The following GDF1 variants were observed in gnomAD, a reference collection of about 807,000 sequenced individuals.
The protein encoded by GDF1 is growth differentiation factor 1.
A neutral mutation model predicts 7.4 loss-of-function variants in GDF1; 8 were observed. That is an observed-to-expected ratio of 1.09 (90% CI 0.64 to 1.96). The LOEUF (loss-of-function observed/expected upper bound fraction) is 1.96, where lower values mean the gene tolerates loss of function less well. Among genes scored for constraint, GDF1 ranks in the 30% most tolerant of loss-of-function variants. GDF1 has a pLI of 0.00. For missense variants in GDF1, 574 were observed against 551.5 expected (o/e 1.04, Z -0.41); for synonymous variants, 311 against 276.7 (o/e 1.12, Z -1.23).
chr19:18,883,797 T>G (rs890999935), intron 3 of GDF1, among the ~76,000 whole-genome samples: 1 of 152,108 alleles, frequency 6.6e-6, no homozygotes, highest in Non-Finnish European at 1.5e-5. Flanking sequence ...GGGCAGCGTC[T>G]GAAGAGCTGG....
At chr19:18,875,649 A>G (rs1031013895) in intron 6 of GDF1, among the ~76,000 whole-genome samples, 1 of 152,180 alleles carries the variant, frequency 6.6e-6, no homozygotes, top group African/African-American at 2.4e-5. Context: ...TTTTGCTCCA[A>G]CCTCGGCCTT....
At chr19:18,893,876 G>A (rs1397488523) in intron 1 of GDF1, among the ~76,000 whole-genome samples, 1 of 151,798 alleles carries the variant, frequency 6.6e-6, no homozygotes, top group Non-Finnish European at 1.5e-5. Flanking sequence ...TGAGGGAGAC[G>A]GATGGATGCG....
chr19:18,878,888 A>G lies in GDF1; in HGVS notation c.-313+42T>C. ...CCACGAACACGCTTGGACGGGTGAC[A>G]CTAAAGGAGGGAACGCGGGGTGCGG... On this transcript the variant is annotated intron_variant, in intron 6 of 7. Transcript: ENST00000247005. This position sits in a 1 kb window ranked among gnomAD's most constrained non-coding sequence, Gnocchi z 4.6. The G allele has an allele frequency of 1.9e-6, 3 of 1,605,570 alleles. No individual in the cohort carries two copies. Among genetic ancestry groups the G allele is most frequent in the Non-Finnish European group, 1.7e-6 (2 of 1,176,686 alleles).
At position 18,883,982 on chromosome 19, in the gene GDF1, T is replaced by C. The variant is rs2056281791; in HGVS notation, c.-733+105A>G. 3 of 1,265,546 alleles carry C rather than the reference T, an allele frequency of 2.4e-6. No individual in the cohort carries two copies. In the East Asian group the frequency reaches 7.6e-5, roughly 32 times the overall value. The allele number at this position is 1,265,546 out of a possible 1,614,324, so 78.4% of individuals were successfully genotyped here. Reference sequence around the variant, plus strand: ...CCTTGGAACCCTGAGCACTCCGACCTGATGTGATCCCCTCCACGGCCTCCT... The same window carrying C: ...CCTTGGAACCCTGAGCACTCCGACCCGATGTGATCCCCTCCACGGCCTCCT... On this transcript the variant is annotated intron_variant, in intron 3 of 7. Coordinates refer to ENST00000247005, the MANE Select transcript of GDF1 (RefSeq NM_001492.6).
At chr19:18,876,353 G>C (rs908226374) in intron 6 of GDF1, among the ~76,000 whole-genome samples, 1 of 151,832 alleles carries the variant, frequency 6.6e-6, no homozygotes, top group Non-Finnish European at 1.5e-5. Context: ...GTTTTGGTTT[G>C]TCTTTTTTCT....
In GDF1 at chr19:18,895,763, TC is replaced by T; in HGVS notation, c.-1074+60del. On this transcript the variant is annotated intron_variant, in intron 1 of 7. Coordinates refer to ENST00000247005, the MANE Select transcript of GDF1 (RefSeq NM_001492.6). The surrounding 1 kb of genome is among the most constrained non-coding windows in gnomAD (Gnocchi z 6.4). ...AAAGGAACGCGCCGGCGGCCCCAGGTCCCCGGTCCCGGCTTCCCCCAGTCCG... is the reference window on the plus strand; with the variant it reads ...AAAGGAACGCGCCGGCGGCCCCAGGTCCCGGTCCCGGCTTCCCCCAGTCCG... 3 of 961,692 alleles carry T rather than the reference TC, an allele frequency of 3.1e-6. No individual in the cohort carries two copies. Among genetic ancestry groups the T allele is most frequent in the Non-Finnish European group, 1.3e-6 (1 of 763,780 alleles). 59.6% of individuals were successfully genotyped at this position (961,692 alleles called of 1,614,324 possible).
chr19:18,881,220 A>T (rs1251371674), intron 3 of GDF1, among the ~76,000 whole-genome samples: 6 of 147,144 alleles, frequency 4.1e-5, no homozygotes, highest in Non-Finnish European at 7.5e-5. Context: ...TTTTTTTTTT[A>T]ATTTTTTTTT....
intron 6 of GDF1, among the ~76,000 whole-genome samples, chr19:18,875,532 G>A (rs2056045050): frequency 6.8e-6 from 1 of 147,714 alleles, no homozygotes; most frequent in South Asian, 2.1e-4. Flanking sequence ...GACAGAGCGA[G>A]ACACTGTCTC....
At position 18,895,140 on chromosome 19, in the gene GDF1, C is replaced by A. The variant is rs536167088; in HGVS notation, c.-1074+684G>T. Among the ~76,000 whole-genome samples the A allele has an allele frequency of 6.6e-6, 1 of 152,260 alleles. No individual in the cohort carries two copies. The highest frequency in any genetic ancestry group is 1.9e-4 in the East Asian group (1 of 5,196). On this transcript the variant is annotated intron_variant, in intron 1 of 7. Coordinates refer to ENST00000247005, the MANE Select transcript of GDF1 (RefSeq NM_001492.6). The surrounding 1 kb of genome is among the most constrained non-coding windows in gnomAD (Gnocchi z 6.4). ...CCGGGCCATGTCACCTCCAAGGGAG[C>A]GACCACTGGCGTGGCCAGAGCACCC...
chr19:18,870,352 GC>G lies in GDF1; in HGVS notation c.-46del. 1.9e-6 allele frequency: 3 copies of G among 1,541,000 alleles called. No individual in the cohort carries two copies. Among genetic ancestry groups the G allele is most frequent in the Non-Finnish European group, 2.6e-6 (3 of 1,145,248 alleles). On this transcript the variant is annotated 5_prime_UTR_variant, in exon 7 of 8. Transcript: ENST00000247005. The surrounding 1 kb of genome is among the most constrained non-coding windows in gnomAD (Gnocchi z 5.1). ...CAGAGAGTGCGCAGGGTCCGCGGCG[GC>G]CCGGGACCAGTGGGCTGAGGGCGGG... is the stretch of plus-strand genomic sequence containing the variant.
At chr19:18,885,510 C>A (rs1047498480) in intron 2 of GDF1, among the ~76,000 whole-genome samples, 3 of 29,506 alleles carry the variant, frequency 1.0e-4, no homozygotes, top group Non-Finnish European at 2.2e-4. Context: ...CGCCCCTTCT[C>A]GTTTTTTTTT....
At chr19:18,880,981 G>A (rs1356231488) in intron 3 of GDF1, among the ~76,000 whole-genome samples, 4 of 152,086 alleles carry the variant, frequency 2.6e-5, no homozygotes, top group Admixed American at 2.6e-4. Flanking sequence ...TTACAGGCGC[G>A]AGCCACTGTG....
In GDF1 at chr19:18,879,928, C is replaced by T. The variant is rs73923176; in HGVS notation, c.-571+346G>A. ...CTAGCCCTACCCCAACCCTGCTTGG[C>T]CCCACCCCTGGCTTGCTCTGTATTA... On this transcript the variant is annotated intron_variant, in intron 4 of 7. Coordinates refer to ENST00000247005, the MANE Select transcript of GDF1 (RefSeq NM_001492.6). Among the ~76,000 whole-genome samples the T allele has an allele frequency of 6.1e-3, 933 of 151,754 alleles. 12 individuals carry two copies. The highest frequency in any genetic ancestry group is 0.02 in the African/African-American group (845 of 41,336).
At chr19:18,872,351 G>C (rs933986181) in intron 6 of GDF1, among the ~76,000 whole-genome samples, 1 of 151,988 alleles carries the variant, frequency 6.6e-6, no homozygotes, top group Non-Finnish European at 1.5e-5. Flanking sequence ...TTTTTTTCTT[G>C]TTTTGTTTTT....
chr19:18,889,794 TC>T (rs2056448721), intron 2 of GDF1, among the ~76,000 whole-genome samples: 2 of 151,854 alleles, frequency 1.3e-5, no homozygotes. Context: ...CCCTGCCTTG[TC>T]TCCATCCCTG....
intron 6 of GDF1, chr19:18,877,862 C>A (rs1246070023): frequency 1.7e-6 from 1 of 605,224 alleles, no homozygotes; most frequent in East Asian, 1.4e-4. Flanking sequence ...ACCCATGTGA[C>A]CCTCTGCCCC....
At chr19:18,887,478 G>A (rs886803851) in intron 2 of GDF1, among the ~76,000 whole-genome samples, 8 of 152,150 alleles carry the variant, frequency 5.3e-5, no homozygotes, top group Non-Finnish European at 1.2e-4. Flanking sequence ...TGAACTGTTC[G>A]CTTTAAAATG....
chr19:18,875,273 C>T (rs141558753), intron 6 of GDF1, among the ~76,000 whole-genome samples: 2,710 of 148,048 alleles, frequency 0.018, 32 homozygotes, highest in Non-Finnish European at 0.025. Context: ...AGGCTGGGCG[C>T]GGTGGCTCAC....
chr19:18,877,990 T>TG (rs906831960), intron 6 of GDF1: 26 of 985,192 alleles, frequency 2.6e-5, no homozygotes, highest in South Asian at 9.4e-5. Context: ...CCAAACAGGG[T>TG]GGGGGGTCTG....
Sources: gnomAD v4.1 joint callset for allele counts (sites outside exome capture counted in the v4.1 genomes callset) on GRCh38, gnomAD v4.1.1 for gene constraint, Gnocchi (gnomAD v3.1) non-coding constraint, MANE v1.5 for transcripts, NCBI Gene and HGNC (gene_info 2026-07-23, HGNC 2026-07-21) for gene names.